DLG2: variants seen among roughly 807,000 people sequenced by gnomAD.
The protein encoded by DLG2 is disks large homolog 2.
DLG2 carries 45 observed loss-of-function variants against 132.5 expected under a neutral mutation model. The observed-to-expected ratio is 0.34, with a 90% CI of 0.27 to 0.44. The LOEUF (loss-of-function observed/expected upper bound fraction) is 0.44. DLG2 is among the 20% of genes least tolerant of loss of function. The probability of loss-of-function intolerance (pLI) is 1.00; values close to 1 mark genes in which losing one functional copy is unlikely to be tolerated. For synonymous variants in DLG2, 424 were observed against 419.6 expected (o/e 1.01, Z -0.13); for missense variants, 1,045 against 1,196.9 (o/e 0.87, Z 1.87).
chr11:84,244,136 G>A (rs886918548), intron 8 of DLG2, among the ~76,000 whole-genome samples: 11 of 152,084 alleles, frequency 7.2e-5, no homozygotes, highest in African/African-American at 2.7e-4. Flanking sequence ...CAACTTATTA[G>A]AAATGCAGAC....
At chr11:84,963,935 T>C (rs1251268120) in intron 6 of DLG2, among the ~76,000 whole-genome samples, 1 of 152,154 alleles carries the variant, frequency 6.6e-6, no homozygotes, top group Admixed American at 6.5e-5. Flanking sequence ...ATGGAAACTT[T>C]TAGAACTAGG....
chr11:85,140,906 T>C (rs72961532), intron 5 of DLG2, among the ~76,000 whole-genome samples: 15,493 of 151,884 alleles, frequency 0.1, 1,157 homozygotes, highest in African/African-American at 0.21. Flanking sequence ...TTGCAAATGA[T>C]AGGAGTTCAT....
chr11:83,956,264 T>A (rs567431383), intron 14 of DLG2, among the ~76,000 whole-genome samples: 1 of 152,260 alleles, frequency 6.6e-6, no homozygotes, highest in Admixed American at 6.5e-5. Context: ...TGAGTGCAGG[T>A]ACTCAGAAAG....
chr11:84,275,949 A>T (rs1340966014), intron 7 of DLG2, among the ~76,000 whole-genome samples: 1 of 152,180 alleles, frequency 6.6e-6, no homozygotes, highest in Admixed American at 6.5e-5. Flanking sequence ...CTGAGAAAGG[A>T]AAGGTACAGC....
intron 4 of DLG2, among the ~76,000 whole-genome samples, chr11:85,187,248 G>A (rs187032104): frequency 1.1e-4 from 16 of 151,768 alleles, no homozygotes; most frequent in South Asian, 2.1e-4. Context: ...AAAATAAACC[G>A]AAGAAAAACA....
chr11:84,868,694 C>T (rs990159375), intron 6 of DLG2, among the ~76,000 whole-genome samples: 1 of 152,086 alleles, frequency 6.6e-6, no homozygotes. Flanking sequence ...CACAGACCCC[C>T]GACATAGACT....
At chr11:83,515,591 C>T (rs950120211) in intron 21 of DLG2, among the ~76,000 whole-genome samples, 12 of 152,062 alleles carry the variant, frequency 7.9e-5, no homozygotes, top group African/African-American at 1.4e-4. Context: ...GCTCTTGCTT[C>T]TCTAGTTCTT....
In DLG2 at chr11:84,889,757, T is replaced by C. The variant is rs553946453; in HGVS notation, c.357+221904A>G. ...AAGCCCTTGTTGTTACCCATCATGCTGAGGGTTAGTTCAGGTGCTTGCGCA... is the reference window on the plus strand; with the variant it reads ...AAGCCCTTGTTGTTACCCATCATGCCGAGGGTTAGTTCAGGTGCTTGCGCA... On this transcript the variant is annotated intron_variant, in intron 6 of 27. Coordinates refer to ENST00000376104, the MANE Select transcript of DLG2 (RefSeq NM_001142699.3). Among the ~76,000 whole-genome samples, 3 of 152,326 alleles carry C rather than the reference T, an allele frequency of 2.0e-5. No homozygotes were observed. The South Asian group carries it at 6.2e-4, about 32-fold the overall frequency.
intron 11 of DLG2, among the ~76,000 whole-genome samples, chr11:84,048,482 T>C (rs1482757673): frequency 6.6e-6 from 1 of 151,648 alleles, no homozygotes; most frequent in African/African-American, 2.4e-5. Flanking sequence ...CAGCATGGCC[T>C]TTCACCTAAA....
At chr11:83,968,673 GA>G (rs71066076) in intron 12 of DLG2, among the ~76,000 whole-genome samples, 6,465 of 152,210 alleles carry the variant, frequency 0.042, 198 homozygotes, top group Non-Finnish European at 0.067. Context: ...TTACAGATGA[GA>G]AAAGTGTGTC....
intron 3 of DLG2, among the ~76,000 whole-genome samples, chr11:85,549,072 C>A (rs889914825): frequency 6.6e-6 from 1 of 152,096 alleles, no homozygotes; most frequent in African/African-American, 2.4e-5. Flanking sequence ...CAGAGTCCGC[C>A]AAAACAGCCG....
At chr11:83,572,672 C>T (rs1477833300) in intron 19 of DLG2, among the ~76,000 whole-genome samples, 1 of 152,156 alleles carries the variant, frequency 6.6e-6, no homozygotes, top group Non-Finnish European at 1.5e-5. Flanking sequence ...TGAAGGAATG[C>T]CTTTTACCAT....
chr11:84,663,510 C>G (rs1242549055), intron 6 of DLG2, among the ~76,000 whole-genome samples: 1 of 152,068 alleles, frequency 6.6e-6, no homozygotes, highest in African/African-American at 2.4e-5. Context: ...ACACAGAGCA[C>G]AGCAAATATT....
chr11:84,910,986 C>A (rs549257622), intron 6 of DLG2, among the ~76,000 whole-genome samples: 1 of 151,910 alleles, frequency 6.6e-6, no homozygotes, highest in Non-Finnish European at 1.5e-5. Context: ...TCTGGAAGGA[C>A]AAGACAATTA....
chr11:83,647,382 A>T (rs2068552256), intron 18 of DLG2: 1 of 152,128 alleles, frequency 6.6e-6, no homozygotes, highest in African/African-American at 2.4e-5. Context: ...CTCAGGTTCA[A>T]TCTTGTTCAG....
At chr11:84,784,728 A>T (rs1185369674) in intron 6 of DLG2, among the ~76,000 whole-genome samples, 2 of 151,440 alleles carry the variant, frequency 1.3e-5, no homozygotes, top group African/African-American at 2.4e-5. Context: ...TTTCCAATTT[A>T]AAAAAAAAGC....
Position 84,854,713 on chromosome 11 carries a change from T to C in DLG2, c.357+256948A>G, listed in dbSNP as rs569601981. On this transcript the variant is annotated intron_variant, in intron 6 of 27. Coordinates refer to ENST00000376104, the MANE Select transcript of DLG2 (RefSeq NM_001142699.3). ...TTTCCATGTCTGTCCCTGCCCAAAA[T>C]GCCTTCTTCATTCCTCATTATCGAG... Among the ~76,000 whole-genome samples the C allele has an allele frequency of 2.6e-5, 4 of 152,174 alleles. No individual in the cohort carries two copies. The South Asian group carries it at 8.3e-4, about 32-fold the overall frequency.
chr11:84,169,303 G>C (rs1372808376), intron 8 of DLG2, among the ~76,000 whole-genome samples: 1 of 150,548 alleles, frequency 6.6e-6, no homozygotes, highest in African/African-American at 2.4e-5. Flanking sequence ...CATGTTAACT[G>C]TCTGGCACAA....
intron 7 of DLG2, among the ~76,000 whole-genome samples, chr11:84,528,448 G>A (rs919061199): frequency 1.3e-5 from 2 of 152,168 alleles, no homozygotes; most frequent in Admixed American, 1.3e-4. Context: ...AATACACGAC[G>A]ATGGAGAAAA....
Sources: gnomAD v4.1 joint callset for allele counts (sites outside exome capture counted in the v4.1 genomes callset) on GRCh38, gnomAD v4.1.1 for gene constraint, MANE v1.5 for transcripts, NCBI Gene and HGNC (gene_info 2026-07-23, HGNC 2026-07-21) for gene names.